Variants in REDIC1 observed in about 807,000 individuals in gnomAD.
REDIC1 encodes regulator of DNA class I crossover intermediates 1.
At chr12:39,713,645 A>G in the REDIC1 span, among the ~76,000 whole-genome samples, 2 of 149,596 alleles carry the variant, frequency 1.3e-5, no homozygotes, top group African/African-American at 2.5e-5. Flanking sequence ...ATATGTATAT[A>G]TACCTGTATA....
chr12:39,713,265 T>G, the REDIC1 span, among the ~76,000 whole-genome samples: 29 of 44,350 alleles, frequency 6.5e-4, 1 homozygote, highest in Non-Finnish European at 1.3e-3. Context: ...TACGTGTATA[T>G]ATGTGTACAC....
chr12:39,640,859 G>T, the REDIC1 span: 7 of 807,716 alleles, frequency 8.7e-6, no homozygotes, highest in African/African-American at 5.2e-5. Context: ...TACACTTTTA[G>T]ATTTTAACTC....
At chr12:39,633,434 G>A in the REDIC1 span, among the ~76,000 whole-genome samples, 1 of 151,984 alleles carries the variant, frequency 6.6e-6, no homozygotes, top group South Asian at 2.1e-4. Flanking sequence ...CCTTCTTCTG[G>A]AACACCTTCT....
the REDIC1 span, among the ~76,000 whole-genome samples, chr12:39,714,584 G>C: frequency 6.6e-6 from 1 of 151,702 alleles, no homozygotes; most frequent in South Asian, 2.1e-4. Flanking sequence ...ATACCCATTA[G>C]TGGGACTGCT....
chr12:39,803,204 C>T, the REDIC1 span, among the ~76,000 whole-genome samples: 1 of 73,738 alleles, frequency 1.4e-5, no homozygotes, highest in Non-Finnish European at 3.1e-5. Context: ...GAAGCAAATG[C>T]AAAAAAAAAA....
chr12:39,732,839 CAT>C, the REDIC1 span, among the ~76,000 whole-genome samples: 1 of 152,172 alleles, frequency 6.6e-6, no homozygotes, highest in Non-Finnish European at 1.5e-5. Context: ...ACATGAACCT[CAT>C]AGGCTTTGAT....
the REDIC1 span, among the ~76,000 whole-genome samples, chr12:39,701,144 A>G: frequency 2.0e-5 from 3 of 152,184 alleles, no homozygotes; most frequent in Non-Finnish European, 2.9e-5. Flanking sequence ...AGATTGGCAA[A>G]TTGGATAAAG....
At chr12:39,742,090 C>T in the REDIC1 span, among the ~76,000 whole-genome samples, 2 of 152,094 alleles carry the variant, frequency 1.3e-5, no homozygotes, top group Non-Finnish European at 2.9e-5. Flanking sequence ...TCCAACATCC[C>T]TTACCGTCAT....
chr12:39,881,782 G>A, the REDIC1 span, among the ~76,000 whole-genome samples: 2 of 152,080 alleles, frequency 1.3e-5, no homozygotes, highest in African/African-American at 4.8e-5. Flanking sequence ...TGAAAAGAGG[G>A]GCAAGAAATG....
At chr12:39,691,387 T>C in the REDIC1 span, among the ~76,000 whole-genome samples, 1 of 152,184 alleles carries the variant, frequency 6.6e-6, no homozygotes. Context: ...CCATGATATG[T>C]ATGCAAACAT....
the REDIC1 span, among the ~76,000 whole-genome samples, chr12:39,725,178 G>A: frequency 6.6e-6 from 1 of 152,102 alleles, no homozygotes; most frequent in Non-Finnish European, 1.5e-5. Flanking sequence ...CTTACTAACA[G>A]CAATGATGGA....
At chr12:39,711,479 GTGTATATA>G in the REDIC1 span, among the ~76,000 whole-genome samples, 1 of 140,458 alleles carries the variant, frequency 7.1e-6, no homozygotes, top group Non-Finnish European at 1.5e-5. Flanking sequence ...ATATATGTAT[GTGTATATA>G]TGTATATAAG....
the REDIC1 span, among the ~76,000 whole-genome samples, chr12:39,664,782 A>C: frequency 6.6e-6 from 1 of 152,220 alleles, no homozygotes; most frequent in East Asian, 1.9e-4. Context: ...CTGGTGTGAG[A>C]TGGTATCTCA....
chr12:39,905,819 C>A, the REDIC1 span, among the ~76,000 whole-genome samples: 3 of 19,108 alleles, frequency 1.6e-4, no homozygotes, highest in African/African-American at 1.7e-4. Flanking sequence ...ATTAAAATGC[C>A]CAGAAAAAAA....
At chr12:39,846,821 T>C in the REDIC1 span, among the ~76,000 whole-genome samples, 59 of 152,146 alleles carry the variant, frequency 3.9e-4, no homozygotes, top group Non-Finnish European at 1.8e-4. Flanking sequence ...TCTCAGTCTT[T>C]CTGAAGGATA....
chr12:39,851,947 A>G, the REDIC1 span, among the ~76,000 whole-genome samples: 4,488 of 152,302 alleles, frequency 0.029, 94 homozygotes, highest in Non-Finnish European at 0.05. Flanking sequence ...TTCTCTGAGG[A>G]TGGGAACAAT....
the REDIC1 span, among the ~76,000 whole-genome samples, chr12:39,640,456 T>C: frequency 2.6e-5 from 4 of 152,014 alleles, no homozygotes; most frequent in South Asian, 6.2e-4. Context: ...GACATAGATA[T>C]GAAATTTCAA....
chr12:39,732,803 G>C, the REDIC1 span, among the ~76,000 whole-genome samples: 1 of 151,974 alleles, frequency 6.6e-6, no homozygotes, highest in African/African-American at 2.4e-5. Context: ...CCCATATTTG[G>C]CCAAAGATGG....
the REDIC1 span, among the ~76,000 whole-genome samples, chr12:39,784,181 A>G: frequency 6.6e-6 from 1 of 152,182 alleles, no homozygotes. Context: ...TGCCATCCCC[A>G]TCAAGCTACC....
Sources: allele counts gnomAD v4.1 joint callset (sites outside exome capture counted in the v4.1 genomes callset), GRCh38; gene constraint gnomAD v4.1.1; transcripts MANE v1.5; gene names NCBI Gene and HGNC (gene_info 2026-07-23, HGNC 2026-07-21).